Variants in POU6F1 observed in about 807,000 individuals in gnomAD.
POU6F1 encodes POU domain, class 6, transcription factor 1.
Under a neutral mutation model 28.9 loss-of-function variants are expected in POU6F1, and 9 were observed. That is an observed-to-expected ratio of 0.31 (90% confidence interval 0.19 to 0.54). The LOEUF is 0.54. Ranked by LOEUF, POU6F1 falls within the 20% of genes least tolerant of loss-of-function variation. The pLI is 0.94. For synonymous variants in POU6F1, 173 were observed against 171.1 expected, an observed-to-expected ratio of 1.01 and a Z score of -0.09; for missense variants, 338 against 426.1, an observed-to-expected ratio of 0.79 and a Z score of 1.82.
rs1565624178 is a variant in POU6F1 at position 51,205,033 on chromosome 12, G to GTTTTT, written c.49-666_49-665insAAAAA. On this transcript the variant is annotated intron_variant, in intron 2 of 10. Transcript: ENST00000333640. The stretch of plus-strand genomic sequence containing the variant: ...TGCCTGGCACCGCTCCTGGACTGCA[G>GTTTTT]CTTTTTTTTTTTTTTTTTTTTTTGA... Among the ~76,000 whole-genome samples the GTTTTT allele has an allele frequency of 3.6e-3, 502 of 140,730 alleles. 5 individuals are homozygous for GTTTTT. Among genetic ancestry groups the GTTTTT allele is most frequent in the African/African-American group, 0.013 (473 of 37,590 alleles). The allele number at this position is 140,730 out of a possible 152,430, so 92.3% of individuals were successfully genotyped here. A position where few individuals can be genotyped will look rare whatever the true frequency, so the allele number is the denominator to read the frequency against.
chr12:51,190,887 G>A lies in POU6F1; in HGVS notation c.1491-295C>T, dbSNP rs1291448465. Among the ~76,000 whole-genome samples the A allele has an allele frequency of 1.0e-5, 1 of 100,240 alleles. No individual in the cohort carries two copies. The highest frequency in any genetic ancestry group is 2.0e-5 in the Non-Finnish European group (1 of 50,484). The allele number at this position is 100,240 out of a possible 152,430, so 65.8% of individuals were successfully genotyped here. On this transcript the variant is annotated intron_variant, in intron 10 of 10. Coordinates refer to ENST00000333640, the MANE Select transcript of POU6F1 (RefSeq NM_001330422.2). This position sits in a 1 kb window ranked among gnomAD's most constrained non-coding sequence, Gnocchi z 4.5. The stretch of plus-strand genomic sequence containing the variant: ...GCCTTACAAACAACCATTCTAGAAC[G>A]TTCCCCTAAATGAATGAAGTCCTTT...
At chr12:51,191,509 AG>A in intron 10 of POU6F1, 86 bp downstream of exon 10, 3 of 1,456,760 alleles carry the variant, frequency 2.1e-6, no homozygotes, top group Non-Finnish European at 2.8e-6. Flanking sequence ...CATATGGAAA[AG>A]GGGCCGGTGC....
intron 1 of POU6F1, among the ~76,000 whole-genome samples, chr12:51,216,127 G>C (rs1190486399): frequency 2.6e-5 from 4 of 152,104 alleles, no homozygotes; most frequent in African/African-American, 9.7e-5. Flanking sequence ...AGACCAGCCT[G>C]GGCAACACGG....
At position 51,188,959 on chromosome 12, in the gene POU6F1, C is replaced by T. The variant is rs1942222035; in HGVS notation, c.*1288G>A. 1 of 152,148 alleles carries T rather than the reference C, an allele frequency of 6.6e-6. No individual in the cohort carries two copies. The highest frequency in any genetic ancestry group is 2.4e-5 in the African/African-American group (1 of 41,420). 9.4% of individuals were successfully genotyped at this position (152,148 alleles called of 1,614,324 possible). On this transcript the variant is annotated 3_prime_UTR_variant, in exon 11 of 11. Transcript: ENST00000333640. ...CAGCCACAGTGAGGCTGGAAACTCA[C>T]TTAACAGCTTGGATGAGAGCTAACC...
Position 51,187,770 on chromosome 12 carries a change from C to T in POU6F1, c.*2477G>A, listed in dbSNP as rs1942118223. The T allele has an allele frequency of 6.6e-6, 1 of 152,220 alleles. No homozygotes were observed. The highest frequency in any genetic ancestry group is 6.5e-5 in the Admixed American group (1 of 15,276). 9.4% of individuals were successfully genotyped at this position (152,220 alleles called of 1,614,324 possible). A position where few individuals can be genotyped will look rare whatever the true frequency, so the allele number is the denominator to read the frequency against. On this transcript the variant is annotated 3_prime_UTR_variant, in exon 11 of 11. Transcript: ENST00000333640. ...TAGACCAGTGGTTCATGATTGTTTTCCCATCATGACACAGGACAGATGGTG... is the reference window on the plus strand; with the variant it reads ...TAGACCAGTGGTTCATGATTGTTTTTCCATCATGACACAGGACAGATGGTG...
intron 1 of POU6F1, among the ~76,000 whole-genome samples, chr12:51,211,521 T>A (rs1405125695): frequency 6.6e-6 from 1 of 152,130 alleles, no homozygotes; most frequent in Admixed American, 6.6e-5. Context: ...AGGGGGAGGA[T>A]TGCTTGAGCT....
At chr12:51,198,313 C>T (rs1439285450) in intron 5 of POU6F1, 2 of 396,620 alleles carry the variant, frequency 5.0e-6, no homozygotes, top group Non-Finnish European at 8.9e-6. Context: ...GGGAGAGGGG[C>T]AGTCTCAGAC....
At chr12:51,211,625 C>T (rs554316765) in intron 1 of POU6F1, among the ~76,000 whole-genome samples, 5 of 152,086 alleles carry the variant, frequency 3.3e-5, no homozygotes, top group East Asian at 1.9e-4. Context: ...TAGTGGTACA[C>T]GCCTATGGTT....
At chr12:51,210,664 G>A (rs1943932310) in intron 1 of POU6F1, among the ~76,000 whole-genome samples, 1 of 152,132 alleles carries the variant, frequency 6.6e-6, no homozygotes, top group South Asian at 2.1e-4. Flanking sequence ...AATTTGACGA[G>A]CTTTGAGGAC....
chr12:51,215,178 TA>T (rs1284584608), intron 1 of POU6F1, among the ~76,000 whole-genome samples: 148 of 152,248 alleles, frequency 9.7e-4, no homozygotes, highest in African/African-American at 3.5e-3. Context: ...TATTATTTCC[TA>T]CCTTTTCCCT....
At position 51,203,186 on chromosome 12, in the gene POU6F1, C is replaced by T. The variant is rs566084472; in HGVS notation, c.244+987G>A. Among the ~76,000 whole-genome samples the T allele has an allele frequency of 5.3e-5, 8 of 152,068 alleles. No homozygotes were observed. In the East Asian group the frequency reaches 9.6e-4, roughly 18 times the overall value. The stretch of plus-strand genomic sequence containing the variant: ...TTGATTTAAGATCCATTTCTGAGAG[C>T]GAATTTGGATAAGGAGCAGAATTAA... On this transcript the variant is annotated intron_variant, in intron 3 of 10. Transcript: ENST00000333640.
intron 1 of POU6F1, among the ~76,000 whole-genome samples, chr12:51,213,005 C>G (rs1307488459): frequency 6.6e-6 from 1 of 151,710 alleles, no homozygotes; most frequent in Non-Finnish European, 1.5e-5. Context: ...GGCGGGATCT[C>G]GGCTTACTGC....
At chr12:51,195,246 G>A (rs1290044927) in intron 8 of POU6F1, among the ~76,000 whole-genome samples, 1 of 152,098 alleles carries the variant, frequency 6.6e-6, no homozygotes, top group Non-Finnish European at 1.5e-5. Context: ...GCGATCCTCC[G>A]CCTTAGCCTC....
intron 2 of POU6F1, 117 bp from the exon 3 acceptor site, chr12:51,204,485 T>C (rs1943442585): frequency 2.5e-6 from 1 of 397,074 alleles, no homozygotes; most frequent in South Asian, 1.4e-4. Flanking sequence ...AGACCTCCTG[T>C]CCAGAGGGCT....
intron 1 of POU6F1, among the ~76,000 whole-genome samples, chr12:51,216,729 CT>C (rs1944304646): frequency 6.6e-6 from 1 of 152,196 alleles, no homozygotes; most frequent in Non-Finnish European, 1.5e-5. Context: ...CAGCCCTCTA[CT>C]TTTGGAACAA....
chr12:51,200,453 G>A (rs564368456), intron 3 of POU6F1, among the ~76,000 whole-genome samples: 1 of 152,270 alleles, frequency 6.6e-6, no homozygotes, highest in South Asian at 2.1e-4. Flanking sequence ...TGCTATTCCC[G>A]GAGGTCTAAA....
intron 1 of POU6F1, chr12:51,207,692 CTAAA>C (rs1434306767): frequency 5.9e-5 from 9 of 152,208 alleles, no homozygotes; most frequent in African/African-American, 1.7e-4. Flanking sequence ...CTCAGTCTCA[CTAAA>C]TAAATAAAAT....
In POU6F1 at chr12:51,206,862, G is replaced by A; in HGVS notation, c.-26C>T. On this transcript the variant is annotated 5_prime_UTR_variant, in exon 2 of 11. Transcript: ENST00000333640. Reference sequence around the variant, plus strand: ...GGTCACTTGTCAGGGTCGGGTGGGGGCCGGCCCACACCTAGCACATCCTGG... The same window carrying A: ...GGTCACTTGTCAGGGTCGGGTGGGGACCGGCCCACACCTAGCACATCCTGG... 1 of 398,842 alleles carries A rather than the reference G, an allele frequency of 2.5e-6. No homozygotes were observed. Among genetic ancestry groups the A allele is most frequent in the Non-Finnish European group, 4.4e-6 (1 of 226,046 alleles). The allele number at this position is 398,842 out of a possible 1,614,324, so 24.7% of individuals were successfully genotyped here. A position where few individuals can be genotyped will look rare whatever the true frequency, so the allele number is the denominator to read the frequency against.
rs561728182 is a variant in POU6F1, at chr12:51,189,994, G to A, written c.*253C>T. On this transcript the variant is annotated 3_prime_UTR_variant, in exon 11 of 11. Coordinates refer to ENST00000333640, the MANE Select transcript of POU6F1 (RefSeq NM_001330422.2). ...CTAGCAAGGTGCTTCTCTAAGTGAC[G>A]TCACAAATCCTCTTCTTCGGAGTGA... is the stretch of plus-strand genomic sequence containing the variant. The A allele has an allele frequency of 2.1e-5, 12 of 563,556 alleles. No individual in the cohort carries two copies. Among genetic ancestry groups the A allele is most frequent in the Middle Eastern group, 5.1e-4 (1 of 1,964 alleles). The allele number at this position is 563,556 out of a possible 1,614,324, so 34.9% of individuals were successfully genotyped here. A position where few individuals can be genotyped will look rare whatever the true frequency, so the allele number is the denominator to read the frequency against.
Sources: allele counts gnomAD v4.1 joint callset (sites outside exome capture counted in the v4.1 genomes callset), GRCh38; gene constraint gnomAD v4.1.1; non-coding constraint Gnocchi (gnomAD v3.1); transcripts MANE v1.5; gene names NCBI Gene and HGNC (gene_info 2026-07-23, HGNC 2026-07-21).